PRKG1: variants seen among roughly 807,000 people sequenced by gnomAD.
PRKG1 encodes protein kinase cGMP-dependent 1, also known as cGMP-dependent protein kinase 1.
A neutral mutation model predicts 88.1 loss-of-function variants in PRKG1; 35 were observed. That is an observed-to-expected ratio of 0.40 (90% CI 0.30 to 0.53). The LOEUF (loss-of-function observed/expected upper bound fraction) is 0.53. Among genes scored for constraint, PRKG1 ranks in the 20% least tolerant of loss-of-function variants. The pLI, the probability that PRKG1 is intolerant of heterozygous loss-of-function variation, is 0.59. For synonymous variants in PRKG1, 303 were observed against 292.5 expected (o/e 1.04, Z -0.37); for missense variants, 540 against 839.8 (o/e 0.64, Z 4.41).
At chr10:51,585,541 A>G (rs907982159) in intron 3 of PRKG1, among the ~76,000 whole-genome samples, 3 of 152,086 alleles carry the variant, frequency 2.0e-5, no homozygotes, top group African/African-American at 7.2e-5. Context: ...ATACTTGCCC[A>G]TTTTCTGCGA....
chr10:51,279,899 A>G (rs539380242), intron 2 of PRKG1, among the ~76,000 whole-genome samples: 94 of 152,258 alleles, frequency 6.2e-4, no homozygotes, highest in African/African-American at 2.2e-3. Context: ...GTTATGTGTG[A>G]ATTTGATCCT....
At chr10:52,073,184 ATCTT>A (rs1846544482) in intron 7 of PRKG1, among the ~76,000 whole-genome samples, 1 of 152,176 alleles carries the variant, frequency 6.6e-6, no homozygotes, top group African/African-American at 2.4e-5. Flanking sequence ...CTGTATCAAA[ATCTT>A]TCTTTATGAG....
At chr10:51,367,565 G>GTTTTCCTTCTTGTTGCGTCTGTCCCCCTT (rs1842616302) in intron 2 of PRKG1, among the ~76,000 whole-genome samples, 1 of 151,802 alleles carries the variant, frequency 6.6e-6, no homozygotes, top group Non-Finnish European at 1.5e-5. Flanking sequence ...TAGATACTAT[G>GTTTTCCTTCTTGTTGCGTCTGTCCCCCTT]TTTTCCTTCT....
At chr10:51,104,008 C>T (rs1245622817) in intron 1 of PRKG1, among the ~76,000 whole-genome samples, 1 of 152,108 alleles carries the variant, frequency 6.6e-6, no homozygotes, top group East Asian at 1.9e-4. Flanking sequence ...GTAATGATCT[C>T]ACCACATTTG....
At chr10:51,490,921 C>G (rs1589012113) in intron 3 of PRKG1, among the ~76,000 whole-genome samples, 1 of 152,078 alleles carries the variant, frequency 6.6e-6, no homozygotes. Context: ...AACATGTATT[C>G]TGATGTTTTT....
intron 1 of PRKG1, among the ~76,000 whole-genome samples, chr10:51,030,127 AGGCTG>A (rs1843263204): frequency 6.6e-6 from 1 of 152,104 alleles, no homozygotes; most frequent in African/African-American, 2.4e-5. Context: ...TTTCAATAAA[AGGCTG>A]TTGGATAATA....
At position 51,711,762 on chromosome 10, in the gene PRKG1, G is replaced by A. The variant is rs112554660; in HGVS notation, c.593-92823G>A. On this transcript the variant is annotated intron_variant, in intron 3 of 17. Coordinates refer to ENST00000373980, the MANE Select transcript of PRKG1 (RefSeq NM_006258.4). ...GTTGGGTGAGAAACCAGATAAGATG[G>A]ATTGTTGGAAAAGTTAAATTGGTGG... Among the ~76,000 whole-genome samples, 449 of 152,304 alleles carry A rather than the reference G, an allele frequency of 2.9e-3. 1 individual carries two copies. The highest frequency in any genetic ancestry group is 6.9e-3 in the African/African-American group (287 of 41,574).
At chr10:51,326,094 A>G (rs191219463) in intron 2 of PRKG1, among the ~76,000 whole-genome samples, 154 of 152,328 alleles carry the variant, frequency 1.0e-3, no homozygotes, top group African/African-American at 3.5e-3. Flanking sequence ...GCATTAACCT[A>G]AGTCCTTTGG....
At chr10:51,371,001 G>A (rs2132608046) in intron 2 of PRKG1, among the ~76,000 whole-genome samples, 1 of 152,094 alleles carries the variant, frequency 6.6e-6, no homozygotes, top group South Asian at 2.1e-4. Flanking sequence ...CTATATTCCA[G>A]CCTTGCCAGT....
At chr10:51,031,814 C>T (rs1843287575) in intron 1 of PRKG1, among the ~76,000 whole-genome samples, 1 of 152,090 alleles carries the variant, frequency 6.6e-6, no homozygotes, top group Non-Finnish European at 1.5e-5. Context: ...TTATATATCT[C>T]ATCATATGAA....
chr10:51,514,611 T>C (rs1036798241), intron 3 of PRKG1, among the ~76,000 whole-genome samples: 1 of 152,164 alleles, frequency 6.6e-6, no homozygotes, highest in African/African-American at 2.4e-5. Flanking sequence ...ATCTGTAGAA[T>C]ATCAAATTAT....
intron 5 of PRKG1, among the ~76,000 whole-genome samples, chr10:51,960,400 G>A (rs768215852): frequency 2.6e-5 from 4 of 152,012 alleles, no homozygotes; most frequent in Non-Finnish European, 5.9e-5. Context: ...CAACAAAATA[G>A]TTGCATAACT....
chr10:51,183,201 G>T (rs996640058), intron 2 of PRKG1, among the ~76,000 whole-genome samples: 3 of 152,150 alleles, frequency 2.0e-5, no homozygotes, highest in African/African-American at 7.2e-5. Context: ...TGTATGTAAT[G>T]ACAATGCCAC....
chr10:51,986,368 C>G (rs1423400657), intron 5 of PRKG1, among the ~76,000 whole-genome samples: 3 of 152,094 alleles, frequency 2.0e-5, no homozygotes, highest in Non-Finnish European at 2.9e-5. Context: ...ATTATATTAA[C>G]ATAGTCACAT....
intron 3 of PRKG1, among the ~76,000 whole-genome samples, chr10:51,644,304 T>C (rs1839867913): frequency 6.6e-6 from 1 of 152,210 alleles, no homozygotes; most frequent in African/African-American, 2.4e-5. Flanking sequence ...GATTATGTCA[T>C]AGCTATATTC....
chr10:51,053,674 T>C (rs552681164), intron 1 of PRKG1, among the ~76,000 whole-genome samples: 1 of 152,270 alleles, frequency 6.6e-6, no homozygotes, highest in East Asian at 1.9e-4. Flanking sequence ...ACTTTGGGTT[T>C]AAAATCTGAG....
intron 1 of PRKG1, among the ~76,000 whole-genome samples, chr10:51,053,661 A>C (rs952553440): frequency 2.0e-5 from 3 of 152,218 alleles, no homozygotes; most frequent in Non-Finnish European, 4.4e-5. Flanking sequence ...GGAAAACAAT[A>C]AAACTTTGGG....
intron 8 of PRKG1, among the ~76,000 whole-genome samples, chr10:52,137,848 G>T (rs978126505): frequency 6.6e-6 from 1 of 152,034 alleles, no homozygotes; most frequent in African/African-American, 2.4e-5. Flanking sequence ...TTTGTATTCT[G>T]TAATCTGTTA....
chr10:51,798,271 C>T (rs7922782), intron 3 of PRKG1, among the ~76,000 whole-genome samples: 1 of 151,970 alleles, frequency 6.6e-6, no homozygotes, highest in Admixed American at 6.6e-5. Flanking sequence ...ACCAGCAATG[C>T]ACAAGGGTTC....
Sources: allele counts gnomAD v4.1 joint callset (sites outside exome capture counted in the v4.1 genomes callset), GRCh38; gene constraint gnomAD v4.1.1; transcripts MANE v1.5; gene names NCBI Gene and HGNC (gene_info 2026-07-23, HGNC 2026-07-21).